GABRR1: variants seen among roughly 807,000 people sequenced by gnomAD.
GABRR1 encodes gamma-aminobutyric acid receptor subunit rho-1.
A neutral mutation model predicts 55.5 loss-of-function variants in GABRR1; 59 were observed. The ratio of observed to expected loss-of-function variants is 1.06; its 90% confidence interval spans 0.86 to 1.32. The LOEUF is 1.32. Among genes scored for constraint, GABRR1 ranks in the 40% most tolerant of loss-of-function variants. GABRR1 has a pLI of 0.00. For synonymous variants in GABRR1, 213 were observed against 226.0 expected (o/e 0.94, Z 0.51); for missense variants, 602 against 619.1 (o/e 0.97, Z 0.29).
At chr6:89,221,971 GA>G (rs1291716244), upstream of GABRR1, among the ~76,000 whole-genome samples, 2 of 152,190 alleles carry the variant, frequency 1.3e-5, no homozygotes, top group African/African-American at 4.8e-5. Flanking sequence ...GAGTGGTCCA[GA>G]CTGAAGGGAA....
chr6:89,217,018 A>G (rs1315752027), intron 1 of GABRR1, among the ~76,000 whole-genome samples, 183 bp downstream of exon 1: 1 of 152,216 alleles, frequency 6.6e-6, no homozygotes, highest in African/African-American at 2.4e-5. Flanking sequence ...CATCATTTTA[A>G]AAGAAAACGT....
intron 1 of GABRR1, chr6:89,205,548 A>C (rs1208728749): frequency 6.6e-6 from 1 of 152,192 alleles, no homozygotes; most frequent in Non-Finnish European, 1.5e-5. Context: ...TCCAACCTAC[A>C]AGACTTCTTC....
intron 6 of GABRR1, among the ~76,000 whole-genome samples, chr6:89,186,711 C>T (rs1771913451): frequency 1.3e-5 from 2 of 152,336 alleles, no homozygotes; most frequent in South Asian, 2.1e-4. Flanking sequence ...TCTGGCTCTG[C>T]CACCGAGCTC....
At chr6:89,220,845 C>T (rs1372201045), upstream of GABRR1, among the ~76,000 whole-genome samples, 7 of 152,058 alleles carry the variant, frequency 4.6e-5, no homozygotes, top group Non-Finnish European at 1.0e-4. Context: ...CTCAGCCTCC[C>T]GAGTAGCTGG....
chr6:89,192,564 CTT>C (rs577439930), intron 5 of GABRR1, among the ~76,000 whole-genome samples: 50 of 130,326 alleles, frequency 3.8e-4, no homozygotes, highest in South Asian at 1.7e-3. Flanking sequence ...TCTTCTTCTT[CTT>C]TTTTTTTTTT....
intron 1 of GABRR1, among the ~76,000 whole-genome samples, chr6:89,226,020 G>A (rs949710802): frequency 1.6e-4 from 25 of 151,708 alleles, no homozygotes; most frequent in African/African-American, 6.1e-4. Context: ...GGCCAGTGAT[G>A]ATGAGCATTT....
chr6:89,221,248 A>G (rs1401815096), upstream of GABRR1: 1 of 152,362 alleles, frequency 6.6e-6, no homozygotes, highest in Non-Finnish European at 1.5e-5. Flanking sequence ...CTCAGAGCCA[A>G]CCCAACACCA....
intron 1 of GABRR1, among the ~76,000 whole-genome samples, chr6:89,206,383 G>A (rs1772645117): frequency 6.6e-6 from 1 of 152,092 alleles, no homozygotes; most frequent in Non-Finnish European, 1.5e-5. Flanking sequence ...ACATCTCTGT[G>A]CTTTGCTCCC....
At chr6:89,215,196 T>C (rs1054795972) in intron 1 of GABRR1, among the ~76,000 whole-genome samples, 2 of 152,190 alleles carry the variant, frequency 1.3e-5, no homozygotes, top group African/African-American at 2.4e-5. Flanking sequence ...TCCAGGTATA[T>C]ATCCAAAGGA....
Position 89,177,639 on chromosome 6 carries a change from C to A in GABRR1, c.*1131G>T, listed in dbSNP as rs1276199562. 6.6e-6 allele frequency: 1 copy of A among 152,134 alleles called. No individual in the cohort carries two copies. The highest frequency in any genetic ancestry group is 1.5e-5 in the Non-Finnish European group (1 of 68,036). The allele number at this position is 152,134 out of a possible 1,614,324, so 9.4% of individuals were successfully genotyped here. ...TTTTAAGTGATACACCAGATTAGAA[C>A]CCTCTCCTTTACCCCATGCCCTGAC... is the stretch of plus-strand genomic sequence containing the variant. On this transcript the variant is annotated 3_prime_UTR_variant, in exon 10 of 10. Coordinates refer to ENST00000454853, the MANE Select transcript of GABRR1 (RefSeq NM_002042.5).
At chr6:89,206,780 T>A (rs552549572) in intron 1 of GABRR1, among the ~76,000 whole-genome samples, 14 of 71,902 alleles carry the variant, frequency 1.9e-4, no homozygotes, top group African/African-American at 1.4e-3. Flanking sequence ...CATGCCCAGC[T>A]AATTTAAAAA....
At chr6:89,209,144 G>T (rs1222969098) in intron 1 of GABRR1, among the ~76,000 whole-genome samples, 2 of 146,392 alleles carry the variant, frequency 1.4e-5, no homozygotes, top group East Asian at 3.9e-4. Flanking sequence ...CATCCAAGTT[G>T]CGGGCTTAAA....
At chr6:89,199,483 T>C (rs1299903454) in intron 3 of GABRR1, 54 bp from the exon 4 acceptor site, 6 of 1,551,298 alleles carry the variant, frequency 3.9e-6, no homozygotes, top group Non-Finnish European at 4.4e-6. Context: ...AATTTTACTA[T>C]GGAGGAAATA....
intron 7 of GABRR1, 25 bp downstream of exon 7, chr6:89,185,285 C>T: frequency 6.2e-7 from 1 of 1,612,996 alleles, no homozygotes; most frequent in Non-Finnish European, 8.5e-7. Context: ...CCTGCCCTGA[C>T]TCTCAGCCCT....
intron 1 of GABRR1, chr6:89,204,528 C>T: frequency 1.3e-6 from 1 of 780,062 alleles, no homozygotes; most frequent in South Asian, 2.0e-5. Flanking sequence ...ACATGGGCAC[C>T]TAAAAAGGGA....
chr6:89,181,871 G>A, intron 8 of GABRR1, 34 bp downstream of exon 8: 1 of 1,555,298 alleles, frequency 6.4e-7, no homozygotes, highest in Non-Finnish European at 8.7e-7. Context: ...TATATTTGCA[G>A]ATGCTTGGAA....
chr6:89,181,772 A>G lies in GABRR1; in HGVS notation c.949+133T>C, dbSNP rs1582372856. On this transcript the variant is annotated intron_variant, in intron 8 of 9. Transcript: ENST00000454853. ...ACAGGATTTTAACTATAAATAAATAACTCTTGAGTTTTTCCAAGTCATAAC... is the reference window on the plus strand; with the variant it reads ...ACAGGATTTTAACTATAAATAAATAGCTCTTGAGTTTTTCCAAGTCATAAC... 7 of 865,792 alleles carry G rather than the reference A, an allele frequency of 8.1e-6. No individual in the cohort carries two copies. In the South Asian group the frequency reaches 1.7e-4, roughly 21 times the overall value. 53.6% of individuals were successfully genotyped at this position (865,792 alleles called of 1,614,324 possible).
At chr6:89,183,419 T>C (rs773321043) in intron 7 of GABRR1, among the ~76,000 whole-genome samples, 1 of 152,196 alleles carries the variant, frequency 6.6e-6, no homozygotes, top group African/African-American at 2.4e-5. Context: ...TAGTGCTATG[T>C]TGGTGCTCCC....
intron 5 of GABRR1, among the ~76,000 whole-genome samples, chr6:89,192,470 C>T (rs1337943382): frequency 5.3e-5 from 8 of 152,116 alleles, no homozygotes; most frequent in South Asian, 2.1e-4. Context: ...GGCCCACTCA[C>T]GGAATGCCCA....
Sources: allele counts gnomAD v4.1 joint callset (sites outside exome capture counted in the v4.1 genomes callset), GRCh38; gene constraint gnomAD v4.1.1; transcripts MANE v1.5; gene names NCBI Gene and HGNC (gene_info 2026-07-23, HGNC 2026-07-21).